The following AGAP3 variants were observed in gnomAD, a reference collection of about 807,000 sequenced individuals.
AGAP3 encodes the protein arf-GAP with GTPase, ANK repeat and PH domain-containing protein 3.
Under a neutral mutation model 96.9 loss-of-function variants are expected in AGAP3, and 24 were observed. The ratio of observed to expected loss-of-function variants is 0.25; its 90% CI spans 0.18 to 0.35. AGAP3 has a LOEUF of 0.35. Ranked by LOEUF, AGAP3 falls within the 10% of genes least tolerant of loss-of-function variation. The probability of loss-of-function intolerance (pLI) is 1.00; values close to 1 mark genes in which losing one functional copy is unlikely to be tolerated. For missense variants in AGAP3, 876 were observed against 1,254.2 expected (o/e 0.70, Z 4.55); for synonymous variants, 563 against 536.1 (o/e 1.05, Z -0.69).
chr7:151,111,706 C>T (rs1194526974), intron 1 of AGAP3, among the ~76,000 whole-genome samples: 4 of 152,168 alleles, frequency 2.6e-5, no homozygotes, highest in Non-Finnish European at 5.9e-5. Flanking sequence ...GTCTTGAGCC[C>T]GGCTTCTGCG....
At chr7:151,101,243 T>G (rs1798823508) in intron 1 of AGAP3, among the ~76,000 whole-genome samples, 1 of 152,168 alleles carries the variant, frequency 6.6e-6, no homozygotes, top group Non-Finnish European at 1.5e-5. Context: ...CCTCCTGGGC[T>G]GGTGGGGGAA....
intron 9 of AGAP3, among the ~76,000 whole-genome samples, chr7:151,125,637 T>G (rs1395907333): frequency 6.6e-6 from 1 of 151,990 alleles, no homozygotes; most frequent in Non-Finnish European, 1.5e-5. Flanking sequence ...TCCAGCCTGG[T>G]GGCCATTCCT....
At chr7:151,123,725 G>C (rs1800030561) in intron 8 of AGAP3, 69 bp from the exon 9 acceptor site, 22 of 1,593,448 alleles carry the variant, frequency 1.4e-5, no homozygotes, top group Non-Finnish European at 1.9e-5. Context: ...AGGGAGGCCG[G>C]GAAGTCCAGG....
Position 151,142,871 on chromosome 7 carries a change from A to G in AGAP3, c.2273+237A>G, listed in dbSNP as rs941434634. On this transcript the variant is annotated intron_variant, in intron 16 of 17. Transcript: ENST00000397238. The surrounding 1 kb of genome is among the most constrained non-coding windows in gnomAD (Gnocchi z 7.5). The stretch of plus-strand genomic sequence containing the variant: ...CAGGTCAGGGGCCAGCAGGAGGCGC[A>G]TGCGCAGGGCCCCTATCACGGTGTG... Among the ~76,000 whole-genome samples, 2 of 152,208 alleles carry G rather than the reference A, an allele frequency of 1.3e-5. No homozygotes were observed. The highest frequency in any genetic ancestry group is 2.4e-5 in the African/African-American group (1 of 41,454).
rs770381591 is a variant in AGAP3, at chr7:151,114,546, C to T, written c.332-2247C>T. ...CTCCCCCGCGCCGCGCCGCCGTTCC[C>T]GGGCGTTCCAGGCCAGACTTGCCGC... On this transcript the variant is annotated intron_variant, in intron 1 of 17. Transcript: ENST00000397238. This position sits in a 1 kb window ranked among gnomAD's most constrained non-coding sequence, Gnocchi z 4.4. 80 of 261,768 alleles carry T rather than the reference C, an allele frequency of 3.1e-4. No individual in the cohort carries two copies. The highest frequency in any genetic ancestry group is 4.3e-4 in the Non-Finnish European group (72 of 167,286). The allele number at this position is 261,768 out of a possible 1,614,324, so 16.2% of individuals were successfully genotyped here.
At chr7:151,091,847 T>A (rs1798412111) in intron 1 of AGAP3, among the ~76,000 whole-genome samples, 1 of 152,182 alleles carries the variant, frequency 6.6e-6, no homozygotes, top group African/African-American at 2.4e-5. Context: ...TCTTCCTGTA[T>A]CATTTATTTC....
chr7:151,118,692 C>G lies in AGAP3; in HGVS notation c.969+60C>G. The G allele has an allele frequency of 1.3e-6, 2 of 1,580,156 alleles. No individual in the cohort carries two copies. Among genetic ancestry groups the G allele is most frequent in the South Asian group, 2.2e-5 (2 of 89,292 alleles). ...CCACCATGTCTGTCTTGCCTCTGTG[C>G]GTCCTGCCACTTCTGCTGGCCTCCT... is the stretch of plus-strand genomic sequence containing the variant. On this transcript the variant is annotated intron_variant, in intron 7 of 17. Coordinates refer to ENST00000397238, the MANE Select transcript of AGAP3 (RefSeq NM_031946.7). The surrounding 1 kb of genome is among the most constrained non-coding windows in gnomAD (Gnocchi z 6.1).
At chr7:151,135,537 G>T (rs1800558913) in intron 11 of AGAP3, among the ~76,000 whole-genome samples, 1 of 152,230 alleles carries the variant, frequency 6.6e-6, no homozygotes, top group Non-Finnish European at 1.5e-5. Flanking sequence ...CCACTCACAA[G>T]GCTGATGGGA....
rs1235834012 is a variant in AGAP3, at chr7:151,128,674, C to G, written c.1316C>G (p.Pro439Arg). 2 of 1,613,464 alleles carry G rather than the reference C, an allele frequency of 1.2e-6. No homozygotes were observed. The highest frequency in any genetic ancestry group is 2.2e-5 in the East Asian group (1 of 44,856). Residue 439 changes from proline to arginine, a missense_variant, in exon 10 of 18, where the codon CCC becomes CGC. Pro to Arg is a moderately radical substitution (Grantham distance 103). Around this residue, in one of 8 missense-constraint regions of AGAP3, gnomAD observed 63 missense variants for 114.5 expected, o/e 0.55. Transcript: ENST00000397238. Reference sequence around the variant, plus strand: ...GACAACGGGCTGCTCACCTATCACCCCAGCCTGCATGTGAGTCTGGGAGGA... The same window carrying G: ...GACAACGGGCTGCTCACCTATCACCGCAGCCTGCATGTGAGTCTGGGAGGA... ...LCDNGLLTYH[P>R]SLHDYMQNIH... is the part of the protein sequence containing the mutation.
In AGAP3 at chr7:151,097,184, A is replaced by G. The variant is rs992814797; in HGVS notation, c.331+10112A>G. On this transcript the variant is annotated intron_variant, in intron 1 of 17. Transcript: ENST00000397238. ...TTTAACCCAGTATATTCAAAATTGT[A>G]TAAGTTCTTATGTTGCTATAAAGAG... Among the ~76,000 whole-genome samples the G allele has an allele frequency of 4.6e-5, 7 of 152,304 alleles. No individual in the cohort carries two copies. The East Asian group carries it at 9.6e-4, about 21-fold the overall frequency.
intron 1 of AGAP3, among the ~76,000 whole-genome samples, chr7:151,107,727 C>A (rs568849216): frequency 6.6e-6 from 1 of 152,250 alleles, no homozygotes; most frequent in South Asian, 2.1e-4. Context: ...ATTTTAGAGG[C>A]TCATTGGGTT....
intron 1 of AGAP3, among the ~76,000 whole-genome samples, chr7:151,105,792 C>CCACACACACACACACACA (rs60071807): frequency 1.7e-3 from 46 of 26,914 alleles, no homozygotes; most frequent in African/African-American, 3.9e-3. Flanking sequence ...CCCCCCGACA[C>CCACACACACACACACACA]CACACACACA....
chr7:151,137,068 T>TTTGGGCGTC (rs1800622346), intron 11 of AGAP3, among the ~76,000 whole-genome samples: 1 of 152,258 alleles, frequency 6.6e-6, no homozygotes, highest in Admixed American at 6.5e-5. Flanking sequence ...ACTTGCTCCC[T>TTTGGGCGTC]GCCTTTGGGC....
At position 151,105,713 on chromosome 7, in the gene AGAP3, G is replaced by A. The variant is rs571313123; in HGVS notation, c.332-11080G>A. Among the ~76,000 whole-genome samples, 22 of 144,064 alleles carry A rather than the reference G, an allele frequency of 1.5e-4. 1 individual carries two copies. The highest frequency in any genetic ancestry group is 2.5e-4 in the Non-Finnish European group (17 of 67,024). The allele number at this position is 144,064 out of a possible 152,430, so 94.5% of individuals were successfully genotyped here. On this transcript the variant is annotated intron_variant, in intron 1 of 17. Coordinates refer to ENST00000397238, the MANE Select transcript of AGAP3 (RefSeq NM_031946.7). ...CCCGGGAGGGGAGAGGCTCCAGTAA[G>A]CTCTAATCTCGCCACTGCACTCCGG...
At position 151,142,442 on chromosome 7, in the gene AGAP3, C is replaced by T. The variant is rs1445675674; in HGVS notation, c.2081C>T (p.Ala694Val). 3 of 1,613,940 alleles carry T rather than the reference C, an allele frequency of 1.9e-6. No individual in the cohort carries two copies. Among genetic ancestry groups the T allele is most frequent in the South Asian group, 1.1e-5 (1 of 91,084 alleles). ...GACTGGGCCAGCCTGAACCTGGGTG[C>T]CCTGATGTGCATTGAGTGCTCAGGC... ...NPDWASLNLG[A>V]LMCIECSGIH... Residue 694 changes from alanine (A) to valine (V), a missense_variant, in exon 16 of 18, where the codon GCC (alanine) becomes GTC (valine). Ala to Val is a moderately conservative substitution (Grantham distance 64). Transcript: ENST00000397238. This position sits in a 1 kb window ranked among gnomAD's most constrained non-coding sequence, Gnocchi z 7.5.
At chr7:151,122,452 C>A (rs1799945006) in intron 8 of AGAP3, among the ~76,000 whole-genome samples, 1 of 152,160 alleles carries the variant, frequency 6.6e-6, no homozygotes, top group Admixed American at 6.5e-5. Context: ...ACATACCATT[C>A]CGTGCTGAGG....
chr7:151,112,748 G>A (rs995267507), intron 1 of AGAP3, among the ~76,000 whole-genome samples: 2 of 152,066 alleles, frequency 1.3e-5, no homozygotes, highest in Non-Finnish European at 1.5e-5. Flanking sequence ...ACAGGCTCGT[G>A]CCACCATGCC....
chr7:151,143,292 T>TG lies in AGAP3; in HGVS notation c.2274-48dup. 6.4e-7 allele frequency: 1 copy of TG among 1,556,854 alleles called. No homozygotes were observed. The highest frequency in any genetic ancestry group is 8.7e-7 in the Non-Finnish European group (1 of 1,149,306). ...TGCCCACCTTCCTGGCCCCACCCGT[T>TG]GCTCGGTGACCTTCCTTGGCTCATG... On this transcript the variant is annotated intron_variant, in intron 16 of 17. Coordinates refer to ENST00000397238, the MANE Select transcript of AGAP3 (RefSeq NM_031946.7). This position sits in a 1 kb window ranked among gnomAD's most constrained non-coding sequence, Gnocchi z 5.9.
At chr7:151,117,521 T>G (rs1799653539) in intron 4 of AGAP3, 65 bp downstream of exon 4, 1 of 1,613,440 alleles carries the variant, frequency 6.2e-7, no homozygotes, top group African/African-American at 1.3e-5. Flanking sequence ...AGCTTGCTGG[T>G]TGGGACTGGG....
Sources: allele counts gnomAD v4.1 joint callset (sites outside exome capture counted in the v4.1 genomes callset), GRCh38; gene constraint gnomAD v4.1.1; regional missense constraint gnomAD v4.1.1; non-coding constraint Gnocchi (gnomAD v3.1); transcripts MANE v1.5; gene names NCBI Gene and HGNC (gene_info 2026-07-23, HGNC 2026-07-21).